The following PPP6C variants were observed in gnomAD, a reference collection of about 807,000 sequenced individuals.
PPP6C encodes protein phosphatase 6 catalytic subunit.
In PPP6C, 11 loss-of-function variants were observed where a neutral mutation model predicts 39.8. The observed-to-expected ratio is 0.28, with a 90% CI of 0.17 to 0.46. The LOEUF (loss-of-function observed/expected upper bound fraction) is 0.46. Ranked by LOEUF, PPP6C falls within the 20% of genes least tolerant of loss-of-function variation. The probability of loss-of-function intolerance (pLI) is 1.00; values close to 1 mark genes in which losing one functional copy is unlikely to be tolerated. For missense variants in PPP6C, 211 were observed against 373.9 expected, an observed-to-expected ratio of 0.56 and a Z score of 3.59; for synonymous variants, 129 against 130.3, an observed-to-expected ratio of 0.99 and a Z score of 0.07.
chr9:125,152,879 A>C (rs575628864), intron 6 of PPP6C, among the ~76,000 whole-genome samples: 1 of 152,064 alleles, frequency 6.6e-6, no homozygotes, highest in East Asian at 1.9e-4. Flanking sequence ...GAAACTAATA[A>C]AGTGTCTGTA....
At chr9:125,186,087 AT>A (rs1829525442) in intron 1 of PPP6C, among the ~76,000 whole-genome samples, 1 of 152,112 alleles carries the variant, frequency 6.6e-6, no homozygotes, top group African/African-American at 2.4e-5. Flanking sequence ...TGCATTTAGT[AT>A]TTTATCTTCT....
At chr9:125,183,240 CTA>C (rs2131343019) in intron 1 of PPP6C, among the ~76,000 whole-genome samples, 1 of 152,292 alleles carries the variant, frequency 6.6e-6, no homozygotes, top group East Asian at 1.9e-4. Context: ...CCTACTGCTT[CTA>C]TGACATTTTT....
At chr9:125,156,585 T>C (rs949792466) in intron 4 of PPP6C, among the ~76,000 whole-genome samples, 1 of 152,224 alleles carries the variant, frequency 6.6e-6, no homozygotes, top group Non-Finnish European at 1.5e-5. Flanking sequence ...CCTATCTTTA[T>C]AATGAAAGAA....
intron 1 of PPP6C, among the ~76,000 whole-genome samples, chr9:125,180,840 T>C (rs1405071543): frequency 6.6e-6 from 1 of 152,160 alleles, no homozygotes; most frequent in African/African-American, 2.4e-5. Context: ...TGTGCTAGCC[T>C]GAAAATAACA....
In PPP6C at chr9:125,151,509, T is replaced by A. The variant is rs193243259; in HGVS notation, c.670-1588A>T. On this transcript the variant is annotated intron_variant, in intron 6 of 6. Coordinates refer to ENST00000373547, the MANE Select transcript of PPP6C (RefSeq NM_002721.5). ...CATTCCAAAATACAGGTGATCAACA[T>A]CTCTATGAGCCTTGCAGAAGCCATC... 5.0e-6 allele frequency: 4 copies of A among 796,284 alleles called. No individual in the cohort carries two copies. The African/African-American group carries it at 5.0e-5, about 10-fold the overall frequency. The allele number at this position is 796,284 out of a possible 1,614,324, so 49.3% of individuals were successfully genotyped here.
At chr9:125,186,164 T>C (rs1829526341) in intron 1 of PPP6C, among the ~76,000 whole-genome samples, 1 of 152,092 alleles carries the variant, frequency 6.6e-6, no homozygotes, top group Non-Finnish European at 1.5e-5. Flanking sequence ...TCCATCTTGC[T>C]CATTAAGTGG....
intron 4 of PPP6C, 122 bp from the exon 5 acceptor site, chr9:125,154,107 G>A (rs143489977): frequency 3.9e-5 from 29 of 738,062 alleles, no homozygotes; most frequent in Non-Finnish European, 1.1e-5. Context: ...AGCAAGATAT[G>A]ACACATATTT....
At chr9:125,167,379 C>CAAAAAAAAAAAAAAAAAAAAAAAAAAAA (rs758123351) in intron 2 of PPP6C, among the ~76,000 whole-genome samples, 3 of 56,098 alleles carry the variant, frequency 5.3e-5, no homozygotes, top group African/African-American at 2.3e-4. Context: ...AGACCCTGTC[C>CAAAAAAAAAAAAAAAAAAAAAAAAAAAA]AAAAAAAAAA....
chr9:125,172,118 G>A, intron 1 of PPP6C: 9 of 338,566 alleles, frequency 2.7e-5, no homozygotes, highest in Admixed American at 8.1e-5. Flanking sequence ...ACAACAACCT[G>A]GATTCATCTC....
intron 6 of PPP6C, chr9:125,151,582 C>T: frequency 1.3e-6 from 1 of 782,398 alleles, no homozygotes; most frequent in South Asian, 1.3e-5. Flanking sequence ...TCAGTCATGT[C>T]CCTTTATAAT....
At chr9:125,187,227 G>T (rs182325895) in intron 1 of PPP6C, among the ~76,000 whole-genome samples, 5 of 151,654 alleles carry the variant, frequency 3.3e-5, no homozygotes, top group Non-Finnish European at 7.4e-5. Flanking sequence ...GATTACAGGC[G>T]TGAGCCACTG....
chr9:125,175,642 CAAAAAAAAA>C (rs1188824495), intron 1 of PPP6C, among the ~76,000 whole-genome samples: 1 of 55,862 alleles, frequency 1.8e-5, no homozygotes, highest in Non-Finnish European at 4.0e-5. Context: ...GACTCCGTCT[CAAAAAAAAA>C]AAAAAAAAAA....
chr9:125,170,960 G>T (rs978028107), intron 2 of PPP6C, 125 bp downstream of exon 2: 3 of 572,870 alleles, frequency 5.2e-6, no homozygotes, highest in Non-Finnish European at 8.7e-6. Context: ...CAGAGACTGA[G>T]GCAACCTAGC....
At chr9:125,163,708 C>T (rs144584617) in intron 2 of PPP6C, among the ~76,000 whole-genome samples, 2,293 of 152,120 alleles carry the variant, frequency 0.015, 108 homozygotes, top group Admixed American at 0.082. Context: ...GGATTACAGG[C>T]GTGAGCCACT....
intron 2 of PPP6C, among the ~76,000 whole-genome samples, chr9:125,163,582 C>G (rs1338288348): frequency 6.6e-6 from 1 of 151,994 alleles, no homozygotes; most frequent in South Asian, 2.1e-4. Context: ...AGGCGCGTGC[C>G]AACAGCCCCA....
chr9:125,172,383 T>G (rs1267153610), intron 1 of PPP6C, among the ~76,000 whole-genome samples: 1 of 152,018 alleles, frequency 6.6e-6, no homozygotes, highest in Non-Finnish European at 1.5e-5. Flanking sequence ...CCCAGCTAAT[T>G]TTTGTATTCT....
At position 125,153,915 on chromosome 9, in the gene PPP6C, T is replaced by C. The variant is rs762991970; in HGVS notation, c.450A>G (p.Thr150=). ...AAAAATAGAAACTTACAGCTGCTACTGTGAGCATGTCAAAAACTTTGGTAC... is the reference window on the plus strand; with the variant it reads ...AAAAATAGAAACTTACAGCTGCTACCGTGAGCATGTCAAAAACTTTGGTAC... The part of the protein sequence containing the change: ...RYCTKVFDML[T]VAALIDEQIL... Residue 150 remains threonine, a synonymous_variant, in exon 5 of 7, where the codon ACA becomes ACG. Transcript: ENST00000373547. 6.2e-6 allele frequency: 10 copies of C among 1,606,476 alleles called. No homozygotes were observed. Among genetic ancestry groups the C allele is most frequent in the Non-Finnish European group, 8.5e-6 (10 of 1,173,166 alleles).
chr9:125,186,938 CTTTTTTTT>C (rs1168730026), intron 1 of PPP6C, among the ~76,000 whole-genome samples: 8 of 83,672 alleles, frequency 9.6e-5, no homozygotes, highest in Non-Finnish European at 1.7e-4. Context: ...ATTTTTCTTT[CTTTTTTTT>C]TTTTTTTTTT....
Position 125,189,759 on chromosome 9 carries a change from T to G in PPP6C, c.-41A>C. On this transcript the variant is annotated 5_prime_UTR_variant, in exon 1 of 7. Coordinates refer to ENST00000373547, the MANE Select transcript of PPP6C (RefSeq NM_002721.5). ...CCGCGGCAACAGCGGCGGCGGCGGC[T>G]GTAGCAGCGGCGGCGGCAGCGGCGG... is the stretch of plus-strand genomic sequence containing the variant. 6.5e-7 allele frequency: 1 copy of G among 1,545,638 alleles called. No individual in the cohort carries two copies. The highest frequency in any genetic ancestry group is 8.7e-7 in the Non-Finnish European group (1 of 1,147,110).
Sources: gnomAD v4.1 joint callset for allele counts (sites outside exome capture counted in the v4.1 genomes callset) on GRCh38, gnomAD v4.1.1 for gene constraint, MANE v1.5 for transcripts, NCBI Gene and HGNC (gene_info 2026-07-23, HGNC 2026-07-21) for gene names.